Variants in FBXW7 observed in about 807,000 individuals in gnomAD.
FBXW7 encodes F-box and WD repeat domain containing 7.
Under a neutral mutation model 86.3 loss-of-function variants are expected in FBXW7, and 11 were observed. That is an observed-to-expected ratio of 0.13 (90% CI 0.08 to 0.21). The LOEUF (loss-of-function observed/expected upper bound fraction) is 0.21. FBXW7 is among the 10% of genes least tolerant of loss of function. The pLI is 1.00. For missense variants in FBXW7, 488 were observed against 847.4 expected (o/e 0.58, Z 5.27); for synonymous variants, 313 against 297.9 (o/e 1.05, Z -0.52).
At chr4:152,402,903 G>A (rs530790454) in intron 4 of FBXW7, among the ~76,000 whole-genome samples, 2 of 152,084 alleles carry the variant, frequency 1.3e-5, no homozygotes, top group African/African-American at 2.4e-5. Flanking sequence ...CATAAATAAC[G>A]TCTAAAACTA....
intron 2 of FBXW7, among the ~76,000 whole-genome samples, chr4:152,451,993 T>C (rs1339137822): frequency 6.6e-6 from 1 of 152,094 alleles, no homozygotes; most frequent in East Asian, 1.9e-4. Flanking sequence ...TACTAAGATG[T>C]TACTTATGTT....
intron 4 of FBXW7, among the ~76,000 whole-genome samples, chr4:152,404,831 A>T (rs1305998514): frequency 6.6e-6 from 1 of 152,004 alleles, no homozygotes; most frequent in African/African-American, 2.4e-5. Context: ...GGTGGCTCAT[A>T]CCTGTAATCC....
intron 2 of FBXW7, among the ~76,000 whole-genome samples, chr4:152,506,245 C>A (rs1156903518): frequency 6.6e-6 from 1 of 152,126 alleles, no homozygotes; most frequent in African/African-American, 2.4e-5. Flanking sequence ...CATTCTCCTG[C>A]CTCAGCCTCC....
At chr4:152,357,879 T>C (rs1450477019) in intron 4 of FBXW7, among the ~76,000 whole-genome samples, 2 of 152,146 alleles carry the variant, frequency 1.3e-5, no homozygotes, top group Non-Finnish European at 2.9e-5. Flanking sequence ...AGCCACAGAA[T>C]AAAATAATAT....
At chr4:152,385,460 C>T (rs1327928233) in intron 4 of FBXW7, among the ~76,000 whole-genome samples, 1 of 151,848 alleles carries the variant, frequency 6.6e-6, no homozygotes, top group African/African-American at 2.4e-5. Context: ...ATAAGAAAAT[C>T]CCTGATCTCA....
intron 2 of FBXW7, among the ~76,000 whole-genome samples, chr4:152,477,700 G>A (rs1481121003): frequency 6.6e-6 from 1 of 152,118 alleles, no homozygotes; most frequent in Non-Finnish European, 1.5e-5. Flanking sequence ...CTACTGTGCT[G>A]AGTTACTTGT....
chr4:152,346,636 C>A (rs1164808647), intron 6 of FBXW7, among the ~76,000 whole-genome samples: 1 of 152,158 alleles, frequency 6.6e-6, no homozygotes, highest in Non-Finnish European at 1.5e-5. Flanking sequence ...ACACTTCCAT[C>A]ACCCCAAAAG....
intron 4 of FBXW7, among the ~76,000 whole-genome samples, chr4:152,402,969 G>T (rs1737079381): frequency 6.6e-6 from 1 of 152,224 alleles, no homozygotes; most frequent in Non-Finnish European, 1.5e-5. Context: ...GTAAGTTCAA[G>T]TCTGTTGGTA....
At chr4:152,474,401 C>T (rs576328594) in intron 2 of FBXW7, among the ~76,000 whole-genome samples, 111 of 152,086 alleles carry the variant, frequency 7.3e-4, no homozygotes, top group African/African-American at 2.5e-3. Flanking sequence ...TTAATTATGG[C>T]GGTAGAAAAG....
At chr4:152,381,985 A>G (rs1226041458) in intron 4 of FBXW7, among the ~76,000 whole-genome samples, 1 of 152,138 alleles carries the variant, frequency 6.6e-6, no homozygotes, top group Non-Finnish European at 1.5e-5. Context: ...TAAATGAGAG[A>G]AAAAGGTGAA....
At chr4:152,411,167 CA>C in intron 4 of FBXW7, 135 bp downstream of exon 4, 2 of 1,249,292 alleles carry the variant, frequency 1.6e-6, no homozygotes, top group South Asian at 2.2e-5. Context: ...TTCTGTAAGA[CA>C]AAAAACTAGT....
intron 5 of FBXW7, among the ~76,000 whole-genome samples, chr4:152,348,312 G>GT (rs1731467867): frequency 1.3e-5 from 2 of 151,872 alleles, no homozygotes; most frequent in South Asian, 2.1e-4. Context: ...AAATTCAAAG[G>GT]TAAGTTCTAT....
At chr4:152,426,776 C>G (rs1027777016) in intron 2 of FBXW7, among the ~76,000 whole-genome samples, 6 of 152,150 alleles carry the variant, frequency 3.9e-5, no homozygotes, top group African/African-American at 1.4e-4. Flanking sequence ...TGTGAACTTT[C>G]AAAACCAGGG....
Position 152,493,585 on chromosome 4 carries a change from A to G in FBXW7, c.-120+41356T>C, listed in dbSNP as rs1193931438. On this transcript the variant is annotated intron_variant, in intron 2 of 13. Coordinates refer to ENST00000281708, the MANE Select transcript of FBXW7 (RefSeq NM_001349798.2). Reference sequence around the variant, plus strand: ...CGTCAGAACACGACTGTATTTGGATATAGGGCCTTTAGAGAGGTGAGTAAA... The same window carrying G: ...CGTCAGAACACGACTGTATTTGGATGTAGGGCCTTTAGAGAGGTGAGTAAA... Among the ~76,000 whole-genome samples the G allele has an allele frequency of 5.9e-5, 9 of 152,310 alleles. No individual in the cohort carries two copies. The East Asian group carries it at 1.7e-3, about 29-fold the overall frequency.
At chr4:152,493,290 G>A (rs1048602007) in intron 2 of FBXW7, among the ~76,000 whole-genome samples, 8 of 151,716 alleles carry the variant, frequency 5.3e-5, no homozygotes, top group Non-Finnish European at 7.4e-5. Context: ...TCAGCCTCCC[G>A]AGTAGCTGCG....
chr4:152,479,548 AC>A (rs1256636013), intron 2 of FBXW7, among the ~76,000 whole-genome samples: 1 of 152,118 alleles, frequency 6.6e-6, no homozygotes, highest in Non-Finnish European at 1.5e-5. Flanking sequence ...AGAATGTCCC[AC>A]ATCCTAGATT....
intron 6 of FBXW7, 93 bp downstream of exon 6, chr4:152,346,837 T>A (rs1731311361): frequency 6.6e-7 from 1 of 1,525,076 alleles, no homozygotes; most frequent in African/African-American, 1.4e-5. Flanking sequence ...GTATACTATG[T>A]AACAGTGTTT....
intron 2 of FBXW7, among the ~76,000 whole-genome samples, chr4:152,459,398 A>G (rs559892075): frequency 6.8e-4 from 104 of 152,340 alleles, no homozygotes; most frequent in African/African-American, 2.4e-3. Context: ...AAGATACTAC[A>G]GTATCATAGC....
At chr4:152,358,798 T>C (rs192358331) in intron 4 of FBXW7, among the ~76,000 whole-genome samples, 1 of 152,272 alleles carries the variant, frequency 6.6e-6, no homozygotes, top group African/African-American at 2.4e-5. Flanking sequence ...AGAAAATGCC[T>C]AGCACATAAC....
Sources: allele counts gnomAD v4.1 joint callset (sites outside exome capture counted in the v4.1 genomes callset), GRCh38; gene constraint gnomAD v4.1.1; transcripts MANE v1.5; gene names NCBI Gene and HGNC (gene_info 2026-07-23, HGNC 2026-07-21).